MED23: variants seen among roughly 807,000 people sequenced by gnomAD.
MED23 encodes mediator complex subunit 23.
Under a neutral mutation model 163.9 loss-of-function variants are expected in MED23, and 105 were observed. That is an observed-to-expected ratio of 0.64 (90% CI 0.55 to 0.75). The LOEUF is 0.75. MED23 is among the 30% of genes least tolerant of loss of function. MED23 has a pLI of 0.00. For synonymous variants in MED23, 561 were observed against 565.6 expected, an observed-to-expected ratio of 0.99 and a Z score of 0.12; for missense variants, 1,054 against 1,649.0, an observed-to-expected ratio of 0.64 and a Z score of 6.25.
Position 131,608,132 on chromosome 6 carries a change from G to GT in MED23, c.1078-62dup, listed in dbSNP as rs150378934. 9,710 of 1,580,596 alleles carry GT rather than the reference G, an allele frequency of 6.1e-3. 464 individuals carry two copies. In the African/African-American group the frequency reaches 0.11, roughly 18 times the overall value. ...CTACTTAAAGAGATGAATACAGGAAGTTTTTGTTGTTTTTTTGTTTTTGTT... is the reference window on the plus strand; with the variant it reads ...CTACTTAAAGAGATGAATACAGGAAGTTTTTTGTTGTTTTTTTGTTTTTGTT... On this transcript the variant is annotated intron_variant, in intron 11 of 28. Coordinates refer to ENST00000368068, the MANE Select transcript of MED23 (RefSeq NM_004830.4).
intron 3 of MED23, among the ~76,000 whole-genome samples, chr6:131,626,700 A>G (rs1242354445): frequency 6.6e-6 from 1 of 152,204 alleles, no homozygotes. Flanking sequence ...TGTATTACCT[A>G]TTAGAAAACA....
chr6:131,582,778 T>C, downstream of MED23: 2 of 1,368,266 alleles, frequency 1.5e-6, no homozygotes, highest in Non-Finnish European at 2.1e-6. Context: ...AGATATGCTT[T>C]ACTGACCAAC....
chr6:131,594,042 C>T lies in MED23; in HGVS notation c.3232+57G>A, dbSNP rs1774855540. On this transcript the variant is annotated intron_variant, in intron 23 of 28. Coordinates refer to ENST00000368068, the MANE Select transcript of MED23 (RefSeq NM_004830.4). ...ATTACTTTAAAAGAAAAAATATATT[C>T]TCATAAATCAAAATACTGTTATTTC... 5 of 1,410,520 alleles carry T rather than the reference C, an allele frequency of 3.5e-6. No homozygotes were observed. In the Admixed American group the frequency reaches 6.8e-5, roughly 19 times the overall value. 87.4% of individuals were successfully genotyped at this position (1,410,520 alleles called of 1,614,324 possible).
downstream of MED23, chr6:131,583,302 T>C: frequency 1.2e-6 from 2 of 1,612,154 alleles, no homozygotes; most frequent in Non-Finnish European, 1.7e-6. Context: ...TTATTATCTA[T>C]GAAATGTGAA....
At chr6:131,606,156 T>C (rs1775839468) in intron 13 of MED23, among the ~76,000 whole-genome samples, 1 of 152,182 alleles carries the variant, frequency 6.6e-6, no homozygotes, top group African/African-American at 2.4e-5. Flanking sequence ...ACTTGGGAAA[T>C]TCTGAAACAT....
At chr6:131,614,049 C>G (rs1776473641) in intron 10 of MED23, among the ~76,000 whole-genome samples, 1 of 152,074 alleles carries the variant, frequency 6.6e-6, no homozygotes, top group Admixed American at 6.6e-5. Context: ...AGCATTCTTT[C>G]AAAGTTAACT....
intron 22 of MED23, among the ~76,000 whole-genome samples, chr6:131,595,010 C>T (rs147784467): frequency 1.3e-5 from 2 of 152,214 alleles, no homozygotes; most frequent in African/African-American, 2.4e-5. Context: ...TTTAAAAGAA[C>T]GCTCACTTGA....
intron 17 of MED23, among the ~76,000 whole-genome samples, chr6:131,600,503 G>A (rs1414795211): frequency 6.6e-6 from 1 of 152,098 alleles, no homozygotes; most frequent in Non-Finnish European, 1.5e-5. Flanking sequence ...TCGGCCAAGG[G>A]AACAGAATAA....
In MED23 at chr6:131,590,310, A is replaced by G. The variant is rs771338455; in HGVS notation, c.3807+12T>C. On this transcript the variant is annotated intron_variant, in intron 27 of 28. Transcript: ENST00000368068. ...TTTAATCATGTCACAGGAAACCCAGATTATATTTTACCTCTATCATACAAC... is the reference window on the plus strand; with the variant it reads ...TTTAATCATGTCACAGGAAACCCAGGTTATATTTTACCTCTATCATACAAC... 6.2e-7 allele frequency: 1 copy of G among 1,610,594 alleles called. No individual in the cohort carries two copies. Among genetic ancestry groups the G allele is most frequent in the Admixed American group, 1.7e-5 (1 of 59,990 alleles).
chr6:131,615,154 A>G (rs1342108708), intron 10 of MED23, among the ~76,000 whole-genome samples: 1 of 150,334 alleles, frequency 6.7e-6, no homozygotes, highest in Non-Finnish European at 1.5e-5. Context: ...CAATCCACCA[A>G]AAATAACTCT....
chr6:131,627,705 T>C lies in MED23; in HGVS notation c.40-33A>G, dbSNP rs377553158. The C allele has an allele frequency of 1.9e-6, 3 of 1,571,846 alleles. No homozygotes were observed. The African/African-American group carries it at 4.2e-5, about 22-fold the overall frequency. ...AAAAAAAAAAACAAAATGTAAACAA[T>C]GTTAATTTTAAAAAGGCGCCTCCCT... is the stretch of plus-strand genomic sequence containing the variant. On this transcript the variant is annotated intron_variant, in intron 1 of 28. Transcript: ENST00000368068.
intron 5 of MED23, 57 bp downstream of exon 5, chr6:131,623,294 C>T (rs974520299): frequency 5.2e-6 from 7 of 1,345,502 alleles, no homozygotes; most frequent in Admixed American, 3.4e-5. Flanking sequence ...AAGACATGCA[C>T]ACCGAAAAAT....
At position 131,593,260 on chromosome 6, in the gene MED23, C is replaced by T. The variant is rs73544637; in HGVS notation, c.3233-89G>A. 2,449 of 1,513,540 alleles carry T rather than the reference C, an allele frequency of 1.6e-3. 17 individuals carry two copies. The African/African-American group carries it at 0.024, about 15-fold the overall frequency. 93.8% of individuals were successfully genotyped at this position (1,513,540 alleles called of 1,614,324 possible). A position where few individuals can be genotyped will look rare whatever the true frequency, so the allele number is the denominator to read the frequency against. On this transcript the variant is annotated intron_variant, in intron 23 of 28. Coordinates refer to ENST00000368068, the MANE Select transcript of MED23 (RefSeq NM_004830.4). ...GAGCTGCCAAGAAGTGATTTGTCTA[C>T]GCTTAGAGAGATTAAGAGGCAAATG...
At chr6:131,618,599 T>C (rs1776861975) in intron 8 of MED23, 80 bp from the exon 9 acceptor site, 8 of 940,978 alleles carry the variant, frequency 8.5e-6, no homozygotes, top group Non-Finnish European at 1.2e-5. Flanking sequence ...TTAATGAACA[T>C]ATATGCTGAA....
Position 131,591,245 on chromosome 6 carries a change from TG to T in MED23, c.3686+67del, listed in dbSNP as rs1411873872. The T allele has an allele frequency of 4.8e-6, 6 of 1,256,812 alleles. No homozygotes were observed. In the African/African-American group the frequency reaches 7.4e-5, roughly 16 times the overall value. The allele number at this position is 1,256,812 out of a possible 1,614,324, so 77.9% of individuals were successfully genotyped here. On this transcript the variant is annotated intron_variant, in intron 26 of 28. Transcript: ENST00000368068. ...TGCCCACCTCGGCCTCCCAAAGTGCTGGGATTACAGGCATGAACCACCGCAC... is the reference window on the plus strand; with the variant it reads ...TGCCCACCTCGGCCTCCCAAAGTGCTGGATTACAGGCATGAACCACCGCAC...
intron 20 of MED23, among the ~76,000 whole-genome samples, chr6:131,597,527 T>G (rs1585483586): frequency 8.2e-6 from 1 of 121,422 alleles, no homozygotes; most frequent in African/African-American, 3.2e-5. Context: ...GAAATAGACA[T>G]CAAAGTCAGG....
intron 18 of MED23, 124 bp downstream of exon 18, chr6:131,599,914 A>G: frequency 8.2e-7 from 1 of 1,225,212 alleles, no homozygotes; most frequent in East Asian, 2.6e-5. Flanking sequence ...CAGCCCCTAA[A>G]TATTTTTTAA....
chr6:131,602,902 G>A (rs1240313548), intron 16 of MED23, 128 bp downstream of exon 16: 19 of 950,208 alleles, frequency 2.0e-5, no homozygotes, highest in Non-Finnish European at 2.5e-5. Flanking sequence ...TTTAGAAGCA[G>A]AGAAGTTTTA....
chr6:131,586,046 T>A (rs1774163623), downstream of MED23, among the ~76,000 whole-genome samples: 1 of 152,246 alleles, frequency 6.6e-6, no homozygotes, highest in South Asian at 2.1e-4. Context: ...ATTGACGCTA[T>A]GCTAAGATTA....
Sources: gnomAD v4.1 joint callset for allele counts (sites outside exome capture counted in the v4.1 genomes callset) on GRCh38, gnomAD v4.1.1 for gene constraint, MANE v1.5 for transcripts, NCBI Gene and HGNC (gene_info 2026-07-23, HGNC 2026-07-21) for gene names.